The following CDH15 variants were observed in gnomAD, a reference collection of about 807,000 sequenced individuals.
The protein encoded by CDH15 is cadherin-15.
Under a neutral mutation model 69.4 loss-of-function variants are expected in CDH15, and 73 were observed. That is an observed-to-expected ratio of 1.05 (90% CI 0.87 to 1.28). CDH15 has a LOEUF of 1.28. Ranked by LOEUF, CDH15 falls within the 50% of genes most tolerant of loss-of-function variation. The probability of loss-of-function intolerance (pLI) is 0.00; values close to 1 mark genes in which losing one functional copy is unlikely to be tolerated. For synonymous variants in CDH15, 624 were observed against 507.7 expected, an observed-to-expected ratio of 1.23 and a Z score of -3.08; for missense variants, 1,343 against 1,133.6, an observed-to-expected ratio of 1.18 and a Z score of -2.65.
chr16:89,188,245 C>T lies in CDH15; in HGVS notation c.938C>T (p.Thr313Met), dbSNP rs758656978. The T allele has an allele frequency of 7.4e-6, 12 of 1,613,388 alleles. No homozygotes were observed. Among genetic ancestry groups the T allele is most frequent in the East Asian group, 2.2e-5 (1 of 44,894 alleles). ...CCCGATGGGCAGTTCACCATCCGCA[C>T]GGACCCCAAGACCAACGAGGGTGTT... ...GDPDGQFTIRTDPKTNEGVLS... is the reference protein window; with the variant it reads ...GDPDGQFTIRMDPKTNEGVLS... Residue 313 changes from threonine to methionine, a missense_variant, in exon 7 of 14, where the codon ACG (threonine) becomes ATG (methionine). Transcript: ENST00000289746.
chr16:89,177,197 C>T (rs942031723), intron 1 of CDH15, among the ~76,000 whole-genome samples: 1 of 150,264 alleles, frequency 6.7e-6, no homozygotes, highest in East Asian at 2.0e-4. Flanking sequence ...GCGGGAAGGG[C>T]CTCGGGTCTC....
Position 89,194,818 on chromosome 16 carries a change from G to A in CDH15, c.2152-44G>A, listed in dbSNP as rs925007220. On this transcript the variant is annotated intron_variant, in intron 13 of 13. Coordinates refer to ENST00000289746, the MANE Select transcript of CDH15 (RefSeq NM_004933.3). ...CTGTGGCCACGGCGGTGGGGCACCC[G>A]CTGGCCCCTCCATGTGTCTTGAGCT... 2.0e-5 allele frequency: 31 copies of A among 1,558,816 alleles called. No homozygotes were observed. In the Admixed American group the frequency reaches 3.3e-4, roughly 17 times the overall value.
Position 89,187,449 on chromosome 16 carries a change from G to A in CDH15, c.684G>A (p.Leu228=). The change falls in exon 6 of 14, where the codon CTG becomes CTA. Residue 228 remains leucine (L), a synonymous_variant. Coordinates refer to ENST00000289746, the MANE Select transcript of CDH15 (RefSeq NM_004933.3). ...CCCAGGTGGTCGCGGTGTACAATCT[G>A]ACCCTGCAGGTGGCGGACATGTCTG... ...LDREVVAVYN[L]TLQVADMSGD... is the part of the protein sequence containing the mutation. The A allele has an allele frequency of 6.2e-7, 1 of 1,613,332 alleles. No homozygotes were observed. Among genetic ancestry groups the A allele is most frequent in the Non-Finnish European group, 8.5e-7 (1 of 1,180,018 alleles).
In CDH15 at chr16:89,194,903, C is replaced by T. The variant is rs780699760; in HGVS notation, c.2193C>T (p.Tyr731=). Residue 731 remains tyrosine, a synonymous_variant, in exon 14 of 14, where the codon TAC becomes TAT. Transcript: ENST00000289746. ...ATAGTGACCCCAGTGTGCCGCCTTACGACACAGCCCTCATCTATGACTACG... is the reference window on the plus strand; with the variant it reads ...ATAGTGACCCCAGTGTGCCGCCTTATGACACAGCCCTCATCTATGACTACG... ...AADSDPSVPP[Y]DTALIYDYEG... The T allele has an allele frequency of 6.0e-5, 97 of 1,607,374 alleles. 1 individual carries two copies. Among genetic ancestry groups the T allele is most frequent in the South Asian group, 1.3e-4 (12 of 90,154 alleles).
Position 89,188,166 on chromosome 16 carries a change from G to T in CDH15, c.859G>T (p.Asp287Tyr), listed in dbSNP as rs755954430. 5.0e-6 allele frequency: 8 copies of T among 1,613,322 alleles called. No individual in the cohort carries two copies. Among genetic ancestry groups the T allele is most frequent in the Non-Finnish European group, 5.9e-6 (7 of 1,179,892 alleles). ...DVGRLEVEDR[D>Y]LPGSPNWVAR... is the part of the protein sequence containing the mutation. ...GGGACGCCTGGAAGTGGAGGACAGG[G>T]ACCTGCCAGGCTCCCCAAACTGGGT... is the stretch of plus-strand genomic sequence containing the variant. Residue 287 changes from aspartate (D) to tyrosine (Y), a missense_variant, in exon 7 of 14, where the codon GAC becomes TAC. Coordinates refer to ENST00000289746, the MANE Select transcript of CDH15 (RefSeq NM_004933.3).
At position 89,180,204 on chromosome 16, in the gene CDH15, A is replaced by C; in HGVS notation, c.206A>C (p.Lys69Thr). The change falls in exon 3 of 14, where the codon AAG becomes ACG. Residue 69 changes from lysine to threonine, a missense_variant. By Grantham distance (78) the Lys-to-Thr change is moderately conservative. Coordinates refer to ENST00000289746, the MANE Select transcript of CDH15 (RefSeq NM_004933.3). ...AACCCATTTCCTGCCCCACAGATCA[A>C]GTCGGACAAGCAGCAGCTGGGCAGC... ...KRLPYPLVQI[K>T]SDKQQLGSVI... 6.2e-7 allele frequency: 1 copy of C among 1,610,946 alleles called. No homozygotes were observed. The highest frequency in any genetic ancestry group is 1.1e-5 in the South Asian group (1 of 90,688).
intron 13 of CDH15, among the ~76,000 whole-genome samples, chr16:89,194,133 T>C (rs1946231119): frequency 6.6e-6 from 1 of 152,222 alleles, no homozygotes; most frequent in African/African-American, 2.4e-5. Context: ...GACGCGGGTC[T>C]TTGCACAGAT....
At position 89,192,126 on chromosome 16, in the gene CDH15, C is replaced by T. The variant is rs1915661798; in HGVS notation, c.1616-79C>T. On this transcript the variant is annotated intron_variant, in intron 10 of 13. Transcript: ENST00000289746. ...CAGGCCCAGGATCTCGGGATCCCCA[C>T]CCTGTCTCGGCGCGAGGAGGGCAGG... 6 of 1,456,866 alleles carry T rather than the reference C, an allele frequency of 4.1e-6. No homozygotes were observed. In the East Asian group the frequency reaches 1.3e-4, roughly 30 times the overall value. 90.2% of individuals were successfully genotyped at this position (1,456,866 alleles called of 1,614,324 possible).
At chr16:89,173,595 C>G (rs925299352) in intron 1 of CDH15, among the ~76,000 whole-genome samples, 3 of 152,182 alleles carry the variant, frequency 2.0e-5, no homozygotes, top group Admixed American at 2.0e-4. Context: ...ATGTCAGTGT[C>G]AGGACCCTGC....
At chr16:89,193,442 C>A (rs767403748) in intron 11 of CDH15, 28 bp from the exon 12 acceptor site, 2 of 1,581,792 alleles carry the variant, frequency 1.3e-6, no homozygotes, top group East Asian at 2.3e-5. Flanking sequence ...CTGTGCCTGG[C>A]CCCAGCCTGC....
In CDH15 at chr16:89,176,888, C is replaced by A. The variant is rs575326510; in HGVS notation, c.43-2528C>A. Among the ~76,000 whole-genome samples the A allele has an allele frequency of 2.0e-5, 3 of 151,936 alleles. No homozygotes were observed. In the South Asian group the frequency reaches 6.2e-4, roughly 31 times the overall value. ...GACCCCCAGCACCTCCCACCCGTCCCCCTGCCCGACATGGCAGCCCAGCAG... is the reference window on the plus strand; with the variant it reads ...GACCCCCAGCACCTCCCACCCGTCCACCTGCCCGACATGGCAGCCCAGCAG... On this transcript the variant is annotated intron_variant, in intron 1 of 13. Coordinates refer to ENST00000289746, the MANE Select transcript of CDH15 (RefSeq NM_004933.3).
intron 7 of CDH15, among the ~76,000 whole-genome samples, chr16:89,189,175 A>C (rs562781295): frequency 3.4e-5 from 4 of 118,130 alleles, no homozygotes; most frequent in African/African-American, 8.3e-5. Flanking sequence ...GCCCACACAC[A>C]GATGCCGGCA....
chr16:89,195,193 G>A lies in CDH15; in HGVS notation c.*38G>A, dbSNP rs772385771. ...ACTGGACATGCCACTCCCCGGCCTC[G>A]TGGCAGTGATGGCCCCTGCAGAGGC... On this transcript the variant is annotated 3_prime_UTR_variant, in exon 14 of 14. Transcript: ENST00000289746. The A allele has an allele frequency of 1.4e-5, 22 of 1,532,708 alleles. No homozygotes were observed. Among genetic ancestry groups the A allele is most frequent in the African/African-American group, 1.1e-4 (8 of 73,698 alleles). The allele number at this position is 1,532,708 out of a possible 1,614,324, so 94.9% of individuals were successfully genotyped here.
Position 89,195,133 on chromosome 16 carries a change from GAC to G in CDH15, c.2427_2428del (p.His809GlnfsTer22). On this transcript the variant is annotated frameshift_variant, in exon 14 of 14. Coordinates refer to ENST00000289746, the MANE Select transcript of CDH15 (RefSeq NM_004933.3). LOFTEE classifies it low-confidence loss of function (END_TRUNC). ...CTTTCTCCTGGGGCACTGCTACCCA[GAC>G]ACAGAGGCCGGACAGCCTGACCCTG... is the stretch of plus-strand genomic sequence containing the variant. The G allele has an allele frequency of 6.2e-7, 1 of 1,600,144 alleles. No individual in the cohort carries two copies. Among genetic ancestry groups the G allele is most frequent in the Non-Finnish European group, 8.5e-7 (1 of 1,172,866 alleles).
At chr16:89,178,335 C>T (rs1915301374) in intron 1 of CDH15, among the ~76,000 whole-genome samples, 2 of 152,216 alleles carry the variant, frequency 1.3e-5, no homozygotes, top group Non-Finnish European at 2.9e-5. Context: ...CCCCGAGCAC[C>T]AGGGCTTCCC....
rs950379575 is a variant in CDH15 at position 89,192,361 on chromosome 16, G to A, written c.1772G>A (p.Gly591Glu). Reference protein sequence around the residue: ...RCGKDGVCLPGAAALLAGGTG... With the variant: ...RCGKDGVCLPEAAALLAGGTG... ...GGCAAGGACGGCGTCTGCCTGCCGG[G>A]GGCCGCAGCGCTGCTGGCGGGGGGC... is the stretch of plus-strand genomic sequence containing the variant. Residue 591 changes from glycine (G) to glutamate (E), a missense_variant, in exon 11 of 14, where the codon GGG (glycine) becomes GAG (glutamate). By Grantham distance (98) the Gly-to-Glu change is moderately conservative (BLOSUM62 -2). Transcript: ENST00000289746. The A allele has an allele frequency of 1.8e-5, 27 of 1,537,980 alleles. No individual in the cohort carries two copies. The highest frequency in any genetic ancestry group is 2.7e-5 in the African/African-American group (2 of 73,086).
At chr16:89,177,275 T>C (rs1915277887) in intron 1 of CDH15, among the ~76,000 whole-genome samples, 1 of 152,116 alleles carries the variant, frequency 6.6e-6, no homozygotes, top group African/African-American at 2.4e-5. Context: ...TGATTGGGGC[T>C]GTGAGCGCTG....
At chr16:89,173,916 C>T (rs1389388442) in intron 1 of CDH15, among the ~76,000 whole-genome samples, 1 of 152,240 alleles carries the variant, frequency 6.6e-6, no homozygotes, top group African/African-American at 2.4e-5. Context: ...ACACTTGACT[C>T]ACAGAGAACC....
Position 89,185,235 on chromosome 16 carries a change from C to A in CDH15, c.565C>A (p.Leu189Met). The stretch of plus-strand genomic sequence containing the variant: ...CGACCCCGAGACGGACAACGCAGCG[C>A]TGCGGTTCTCCATCCTGCAGCAGGG... The part of the protein sequence containing the change: ...ADDPETDNAA[L>M]RFSILQQGSP... The change falls in exon 5 of 14, where the codon CTG becomes ATG. Residue 189 changes from leucine (L) to methionine (M), a missense_variant. By Grantham distance (15) the Leu-to-Met change is conservative. Coordinates refer to ENST00000289746, the MANE Select transcript of CDH15 (RefSeq NM_004933.3). 1 of 1,605,970 alleles carries A rather than the reference C, an allele frequency of 6.2e-7. No homozygotes were observed. Among genetic ancestry groups the A allele is most frequent in the Non-Finnish European group, 8.5e-7 (1 of 1,176,656 alleles).
Sources: gnomAD v4.1 joint callset for allele counts (sites outside exome capture counted in the v4.1 genomes callset) on GRCh38, gnomAD v4.1.1 for gene constraint, MANE v1.5 for transcripts, NCBI Gene and HGNC (gene_info 2026-07-23, HGNC 2026-07-21) for gene names.